DLC1: variants seen among roughly 807,000 people sequenced by gnomAD.
DLC1 encodes the protein DLC1 Rho GTPase activating protein.
In DLC1, 54 loss-of-function variants were observed where a neutral mutation model predicts 140.3. The ratio of observed to expected loss-of-function variants is 0.38; its 90% CI spans 0.31 to 0.48. The LOEUF is 0.48. Ranked by LOEUF, DLC1 falls within the 20% of genes least tolerant of loss-of-function variation. The probability of loss-of-function intolerance (pLI) is 0.96; values close to 1 mark genes in which losing one functional copy is unlikely to be tolerated. For synonymous variants in DLC1, 986 were observed against 728.1 expected (o/e 1.35, Z -5.70); for missense variants, 2,536 against 1,907.0 (o/e 1.33, Z -6.14).
chr8:13,498,728 T>C (rs1801627968), intron 2 of DLC1: 2 of 215,328 alleles, frequency 9.3e-6, no homozygotes, highest in Admixed American at 5.3e-5. Context: ...CAGAATGCCT[T>C]GAATTGCATG....
chr8:13,450,753 G>A (rs1436739002), intron 2 of DLC1, among the ~76,000 whole-genome samples: 1 of 151,936 alleles, frequency 6.6e-6, no homozygotes, highest in Non-Finnish European at 1.5e-5. Context: ...TGAAAATAAA[G>A]ATAGAGGCCA....
chr8:13,570,400 T>G (rs1162086710), intron 1 of DLC1, among the ~76,000 whole-genome samples: 1 of 147,322 alleles, frequency 6.8e-6, no homozygotes, highest in Non-Finnish European at 1.5e-5. Flanking sequence ...ACCCACTAAC[T>G]CGTCATCTAG....
intron 1 of DLC1, among the ~76,000 whole-genome samples, chr8:13,580,648 A>T (rs1805063123): frequency 6.6e-6 from 1 of 152,202 alleles, no homozygotes; most frequent in South Asian, 2.1e-4. Flanking sequence ...ATTGATGCAT[A>T]TGGAAGACCA....
intron 5 of DLC1, among the ~76,000 whole-genome samples, chr8:13,127,689 A>G (rs1004672698): frequency 1.3e-5 from 2 of 152,202 alleles, no homozygotes; most frequent in African/African-American, 4.8e-5. Context: ...GTGGCTTCCT[A>G]AAGTGCTGCC....
At chr8:13,477,303 T>G (rs1037060042) in intron 2 of DLC1, among the ~76,000 whole-genome samples, 4 of 152,214 alleles carry the variant, frequency 2.6e-5, no homozygotes, top group Admixed American at 2.6e-4. Context: ...TTTGGTAATT[T>G]AAAGAAAGTG....
intron 1 of DLC1, among the ~76,000 whole-genome samples, chr8:13,531,730 C>G (rs1803105180): frequency 6.6e-6 from 1 of 152,140 alleles, no homozygotes; most frequent in African/African-American, 2.4e-5. Flanking sequence ...AAGATGGGTG[C>G]TGAAATCTTA....
At chr8:13,139,075 G>C (rs915972640) in intron 5 of DLC1, among the ~76,000 whole-genome samples, 3 of 151,780 alleles carry the variant, frequency 2.0e-5, no homozygotes, top group African/African-American at 7.3e-5. Context: ...ACAAGCCCAC[G>C]AGTTTGAGAC....
At chr8:13,365,038 C>A (rs929245284) in intron 4 of DLC1, among the ~76,000 whole-genome samples, 5 of 152,158 alleles carry the variant, frequency 3.3e-5, no homozygotes, top group Admixed American at 6.5e-5. Flanking sequence ...TCAACTAGGA[C>A]ACGTGTCTTG....
intron 5 of DLC1, among the ~76,000 whole-genome samples, chr8:13,299,628 G>A (rs1279084870): frequency 6.6e-6 from 1 of 151,866 alleles, no homozygotes; most frequent in African/African-American, 2.4e-5. Context: ...TAAAGTTTGA[G>A]CAACCAACAA....
At chr8:13,296,884 T>C (rs993071901) in intron 5 of DLC1, among the ~76,000 whole-genome samples, 1 of 151,648 alleles carries the variant, frequency 6.6e-6, no homozygotes, top group Non-Finnish European at 1.5e-5. Flanking sequence ...TCAGAACATA[T>C]TAAAAGAGAA....
At chr8:13,134,361 G>C (rs1822393469) in intron 5 of DLC1, among the ~76,000 whole-genome samples, 1 of 152,194 alleles carries the variant, frequency 6.6e-6, no homozygotes, top group African/African-American at 2.4e-5. Flanking sequence ...CACAGCTGTA[G>C]ACTGGGAGAT....
intron 5 of DLC1, among the ~76,000 whole-genome samples, chr8:13,253,140 T>C (rs948606297): frequency 3.3e-5 from 5 of 152,170 alleles, no homozygotes; most frequent in Admixed American, 2.6e-4. Context: ...AGTTGAGCCA[T>C]TAATATCAAG....
intron 4 of DLC1, among the ~76,000 whole-genome samples, chr8:13,324,771 C>A (rs970177545): frequency 2.6e-5 from 4 of 152,084 alleles, no homozygotes; most frequent in African/African-American, 9.7e-5. Context: ...GTTGCAGAGT[C>A]TTTACTAAAC....
At chr8:13,325,403 A>G (rs1467740639) in intron 4 of DLC1, among the ~76,000 whole-genome samples, 1 of 152,156 alleles carries the variant, frequency 6.6e-6, no homozygotes, top group African/African-American at 2.4e-5. Flanking sequence ...ACAACACTAC[A>G]ACACTTTCCA....
At position 13,099,723 on chromosome 8, in the gene DLC1, T is replaced by C. The variant is rs1367488314; in HGVS notation, c.2614A>G (p.Met872Val). ...TCGTAGATGCTCAGGCGGCTGCTCATGGAGCTGGAAGAATTGCGTCTCTTC... is the reference window on the plus strand; with the variant it reads ...TCGTAGATGCTCAGGCGGCTGCTCACGGAGCTGGAAGAATTGCGTCTCTTC... Reference protein sequence around the residue: ...ELKRRNSSSSMSSRLSIYDNV... With the variant: ...ELKRRNSSSSVSSRLSIYDNV... The change falls in exon 9 of 18, where the codon ATG (methionine) becomes GTG (valine). Residue 872 changes from methionine (M) to valine (V), a missense_variant. Transcript: ENST00000276297. The C allele has an allele frequency of 9.3e-6, 15 of 1,614,040 alleles. No individual in the cohort carries two copies. Among genetic ancestry groups the C allele is most frequent in the African/African-American group, 1.3e-5 (1 of 74,926 alleles).
At chr8:13,292,518 GCCTTAATGTCCC>G (rs1831795450) in intron 5 of DLC1, among the ~76,000 whole-genome samples, 1 of 152,106 alleles carries the variant, frequency 6.6e-6, no homozygotes, top group Admixed American at 6.5e-5. Context: ...AAAGAAGAAG[GCCTTAATGTCCC>G]CCTTTGGGTA....
chr8:13,273,731 A>AGTGTGTG (rs1586051165), intron 5 of DLC1, among the ~76,000 whole-genome samples: 4 of 31,010 alleles, frequency 1.3e-4, no homozygotes, highest in South Asian at 1.5e-3. Flanking sequence ...TGTGTGTGTA[A>AGTGTGTG]GGGGGAAGGG....
At chr8:13,191,465 T>G (rs1403391127) in intron 5 of DLC1, among the ~76,000 whole-genome samples, 1 of 152,176 alleles carries the variant, frequency 6.6e-6, no homozygotes, top group Non-Finnish European at 1.5e-5. Context: ...GAGATTGTGC[T>G]ACTGCACAGA....
At chr8:13,482,286 A>G (rs1293692240) in intron 2 of DLC1, among the ~76,000 whole-genome samples, 1 of 152,246 alleles carries the variant, frequency 6.6e-6, no homozygotes, top group Non-Finnish European at 1.5e-5. Context: ...CTAGTCATAT[A>G]TCTAATGCAC....
Sources: gnomAD v4.1 joint callset for allele counts (sites outside exome capture counted in the v4.1 genomes callset) on GRCh38, gnomAD v4.1.1 for gene constraint, MANE v1.5 for transcripts, NCBI Gene and HGNC (gene_info 2026-07-23, HGNC 2026-07-21) for gene names.